Variants in IQUB observed in about 807,000 individuals in gnomAD.
IQUB encodes the protein IQ motif and ubiquitin domain containing.
Under a neutral mutation model 86.4 loss-of-function variants are expected in IQUB, and 86 were observed. The ratio of observed to expected loss-of-function variants is 1.00; its 90% CI spans 0.84 to 1.19. The LOEUF is 1.19. Among genes scored for constraint, IQUB ranks in the 50% most tolerant of loss-of-function variants. The pLI, the probability that IQUB is intolerant of heterozygous loss-of-function variation, is 0.00. For synonymous variants in IQUB, 289 were observed against 304.5 expected (o/e 0.95, Z 0.53); for missense variants, 946 against 916.9 (o/e 1.03, Z -0.41).
intron 3 of IQUB, among the ~76,000 whole-genome samples, chr7:123,508,100 G>T (rs1395745060): frequency 6.6e-6 from 1 of 152,142 alleles, no homozygotes; most frequent in Non-Finnish European, 1.5e-5. Context: ...GGAAGAGGAA[G>T]ATTTGATGAC....
At position 123,479,874 on chromosome 7, in the gene IQUB, A is replaced by G; in HGVS notation, c.1331T>C (p.Ile444Thr). Residue 444 changes from isoleucine to threonine, a missense_variant, in exon 8 of 13, where the codon ATA becomes ACA. By Grantham distance (89) the Ile-to-Thr change is moderately conservative. Coordinates refer to ENST00000324698, the MANE Select transcript of IQUB (RefSeq NM_178827.5). ...TCTATGTCTCCCAATGGAAGCAATTATCTGAGTCTCTTTTTCCAGAAGTTC... is the reference window on the plus strand; with the variant it reads ...TCTATGTCTCCCAATGGAAGCAATTGTCTGAGTCTCTTTTTCCAGAAGTTC... Reference protein sequence around the residue: ...LCELLEKETQIIASIGRHRYI... With the variant: ...LCELLEKETQTIASIGRHRYI... The G allele has an allele frequency of 6.2e-7, 1 of 1,613,066 alleles. No homozygotes were observed.
intron 7 of IQUB, among the ~76,000 whole-genome samples, chr7:123,483,933 G>A (rs1795109896): frequency 6.6e-6 from 1 of 151,992 alleles, no homozygotes; most frequent in African/African-American, 2.4e-5. Flanking sequence ...AAAAATTTCA[G>A]GTTTACTTTA....
chr7:123,483,570 G>T (rs1352178796), intron 7 of IQUB, among the ~76,000 whole-genome samples: 1 of 152,008 alleles, frequency 6.6e-6, no homozygotes, highest in Non-Finnish European at 1.5e-5. Flanking sequence ...AAAGGACACT[G>T]GTTCTATGGT....
At chr7:123,509,485 A>G (rs1562866678) in intron 3 of IQUB, among the ~76,000 whole-genome samples, 1 of 152,130 alleles carries the variant, frequency 6.6e-6, no homozygotes, top group Non-Finnish European at 1.5e-5. Flanking sequence ...CACTTCCCGA[A>G]ACTTCCACAC....
intron 8 of IQUB, 104 bp from the exon 9 acceptor site, chr7:123,469,488 ACTAAAGTATTG>A (rs1352028601): frequency 1.9e-5 from 10 of 534,206 alleles, no homozygotes; most frequent in Admixed American, 7.7e-5. Flanking sequence ...GTGCTTTATA[ACTAAAGTATTG>A]CTAAAGCTTA....
rs1794926836 is a variant in IQUB, at chr7:123,479,949, G to T, written c.1256C>A (p.Thr419Lys). Residue 419 changes from threonine to lysine, a missense_variant, in exon 8 of 13, where the codon ACA (threonine) becomes AAA (lysine). Physicochemically the swap from Thr to Lys is moderately conservative, Grantham distance 78 (BLOSUM62 -1). Coordinates refer to ENST00000324698, the MANE Select transcript of IQUB (RefSeq NM_178827.5). ...ALEFWRQEEL[T>K]RINQSFTGAE... Reference sequence around the variant, plus strand: ...TCCAGTAAAAGATTGGTTAATACGTGTAAGTTCTTCTTGCCGCCAGACTAG... The same window carrying T: ...TCCAGTAAAAGATTGGTTAATACGTTTAAGTTCTTCTTGCCGCCAGACTAG... 6.2e-7 allele frequency: 1 copy of T among 1,608,962 alleles called. No homozygotes were observed. The highest frequency in any genetic ancestry group is 2.2e-5 in the East Asian group (1 of 44,808).
rs1793473685 is a variant in IQUB at position 123,452,622 on chromosome 7, T to A, written c.*121A>T. ...TCTCTTTATATAACTCAAAATACTA[T>A]GAAAAACAAAAAACAAAATCAATAA... On this transcript the variant is annotated 3_prime_UTR_variant, in exon 13 of 13. Transcript: ENST00000324698. 6.9e-6 allele frequency: 4 copies of A among 575,818 alleles called. No homozygotes were observed. The highest frequency in any genetic ancestry group is 7.3e-5 in the South Asian group (1 of 13,782). The allele number at this position is 575,818 out of a possible 1,614,324, so 35.7% of individuals were successfully genotyped here.
At chr7:123,475,777 G>T (rs1162231523) in intron 8 of IQUB, among the ~76,000 whole-genome samples, 1 of 152,080 alleles carries the variant, frequency 6.6e-6, no homozygotes, top group East Asian at 1.9e-4. Flanking sequence ...TTGAATATTT[G>T]TGTTGCCCTG....
intron 1 of IQUB, among the ~76,000 whole-genome samples, chr7:123,526,150 G>A (rs1323327550): frequency 1.5e-5 from 2 of 137,458 alleles, no homozygotes; most frequent in African/African-American, 5.1e-5. Flanking sequence ...AATAGGTGTG[G>A]TGTGGTGCTG....
intron 1 of IQUB, among the ~76,000 whole-genome samples, chr7:123,533,253 T>C (rs1438980665): frequency 6.6e-6 from 1 of 152,228 alleles, no homozygotes; most frequent in African/African-American, 2.4e-5. Context: ...TCTCTGTATA[T>C]ATGTGTAAGT....
chr7:123,455,152 C>T (rs1268621170), intron 12 of IQUB, among the ~76,000 whole-genome samples: 3 of 151,954 alleles, frequency 2.0e-5, no homozygotes, highest in Non-Finnish European at 4.4e-5. Flanking sequence ...TTACGGGGTA[C>T]ATAGTGATGG....
At chr7:123,504,734 T>C (rs1423200172) in intron 3 of IQUB, among the ~76,000 whole-genome samples, 2 of 152,158 alleles carry the variant, frequency 1.3e-5, no homozygotes, top group Non-Finnish European at 2.9e-5. Context: ...GATTACAATT[T>C]GACAAGAGAT....
At position 123,487,055 on chromosome 7, in the gene IQUB, T is replaced by C. The variant is rs529957986; in HGVS notation, c.1235-7085A>G. 2.0e-5 allele frequency among the ~76,000 whole-genome samples: 3 copies of C among 152,192 alleles called. No homozygotes were observed. In the South Asian group the frequency reaches 6.2e-4, roughly 32 times the overall value. The stretch of plus-strand genomic sequence containing the variant: ...GGTGACTGGATCATGAGGGTGAATT[T>C]CCCCCTTGCTATTCTCAAGACAGTG... On this transcript the variant is annotated intron_variant, in intron 7 of 12. Coordinates refer to ENST00000324698, the MANE Select transcript of IQUB (RefSeq NM_178827.5).
At chr7:123,465,488 T>C (rs764947149) in intron 9 of IQUB, among the ~76,000 whole-genome samples, 3 of 152,024 alleles carry the variant, frequency 2.0e-5, no homozygotes, top group Non-Finnish European at 4.4e-5. Flanking sequence ...TTAATATTTG[T>C]TAAACTGTAC....
intron 1 of IQUB, among the ~76,000 whole-genome samples, chr7:123,523,420 T>C (rs1051519909): frequency 8.6e-5 from 13 of 151,840 alleles, no homozygotes; most frequent in African/African-American, 2.9e-4. Flanking sequence ...TGATATCTCA[T>C]TGTGGTTTTG....
intron 12 of IQUB, among the ~76,000 whole-genome samples, chr7:123,454,142 T>C (rs951194342): frequency 1.3e-5 from 2 of 152,114 alleles, no homozygotes; most frequent in Non-Finnish European, 2.9e-5. Flanking sequence ...TTTACTAGGT[T>C]AAAATATTCA....
chr7:123,501,084 A>T (rs961592467), intron 6 of IQUB: 3 of 152,218 alleles, frequency 2.0e-5, no homozygotes, highest in Non-Finnish European at 4.4e-5. Context: ...GTTCAAGCCA[A>T]TGGGATGCAA....
Position 123,503,079 on chromosome 7 carries a change from G to C in IQUB, c.732C>G (p.Val244=). The change falls in exon 5 of 13, where the codon GTC becomes GTG. Residue 244 remains valine (V), a synonymous_variant. Coordinates refer to ENST00000324698, the MANE Select transcript of IQUB (RefSeq NM_178827.5). ...DQYQQVPVEI[V]KSDFHKPFLG... is the part of the protein sequence containing the mutation. ...GAAATGGTTTGTGAAAGTCAGATTT[G>C]ACAATCTCAACAGGTACCTGCTGGT... The C allele has an allele frequency of 1.2e-6, 2 of 1,613,262 alleles. No individual in the cohort carries two copies. The highest frequency in any genetic ancestry group is 1.7e-6 in the Non-Finnish European group (2 of 1,179,638).
chr7:123,479,809 C>T lies in IQUB; in HGVS notation c.1396G>A (p.Ala466Thr), dbSNP rs1346825383. Residue 466 changes from alanine (A) to threonine (T), a missense_variant, in exon 8 of 13, where the codon GCT becomes ACT. Coordinates refer to ENST00000324698, the MANE Select transcript of IQUB (RefSeq NM_178827.5). The stretch of plus-strand genomic sequence containing the variant: ...ACTTCACTAACCTTATCCAAAAAAG[C>T]TTGTATTGCTGCTTCCTGATTTGCC... ...YMANQEAAIQ[A>T]FLDKCSAPKI... is the part of the protein sequence containing the mutation. 6.8e-6 allele frequency: 11 copies of T among 1,610,996 alleles called. No homozygotes were observed. Among genetic ancestry groups the T allele is most frequent in the African/African-American group, 1.3e-5 (1 of 74,742 alleles).
Sources: gnomAD v4.1 joint callset for allele counts (sites outside exome capture counted in the v4.1 genomes callset) on GRCh38, gnomAD v4.1.1 for gene constraint, MANE v1.5 for transcripts, NCBI Gene and HGNC (gene_info 2026-07-23, HGNC 2026-07-21) for gene names.